The following TXLNB variants were observed in gnomAD, a reference collection of about 807,000 sequenced individuals.
TXLNB encodes the protein taxilin beta.
In TXLNB, 37 loss-of-function variants were observed where a neutral mutation model predicts 57.4. The observed-to-expected ratio is 0.64, with a 90% CI of 0.50 to 0.85. The LOEUF is 0.85. Among genes scored for constraint, TXLNB ranks in the 40% least tolerant of loss-of-function variants. The pLI, the probability that TXLNB is intolerant of heterozygous loss-of-function variation, is 0.00. For synonymous variants in TXLNB, 302 were observed against 309.6 expected (o/e 0.98, Z 0.26); for missense variants, 848 against 825.6 (o/e 1.03, Z -0.33).
intron 2 of TXLNB, among the ~76,000 whole-genome samples, chr6:139,279,296 G>A (rs1776984322): frequency 6.6e-6 from 1 of 151,314 alleles, no homozygotes; most frequent in Non-Finnish European, 1.5e-5. Context: ...TTTTGGTTTT[G>A]TTTGTTTTGT....
the TXLNB span, among the ~76,000 whole-genome samples, chr6:139,186,156 C>G: frequency 2.0e-5 from 3 of 151,914 alleles, no homozygotes; most frequent in Non-Finnish European, 4.4e-5. Flanking sequence ...TATAAATAAC[C>G]CAATCTGGAT....
intron 6 of TXLNB, among the ~76,000 whole-genome samples, chr6:139,256,551 A>C (rs1003469535): frequency 6.6e-6 from 1 of 152,224 alleles, no homozygotes; most frequent in African/African-American, 2.4e-5. Flanking sequence ...GCTGGCCTCC[A>C]ACTCCTGACC....
At chr6:139,249,107 G>C (rs1776133700) in intron 7 of TXLNB, among the ~76,000 whole-genome samples, 1 of 152,232 alleles carries the variant, frequency 6.6e-6, no homozygotes, top group South Asian at 2.1e-4. Flanking sequence ...CAAGTGTATG[G>C]CTCACCATGG....
At chr6:139,315,332 G>A in the TXLNB span, among the ~76,000 whole-genome samples, 2 of 152,162 alleles carry the variant, frequency 1.3e-5, no homozygotes, top group African/African-American at 2.4e-5. Flanking sequence ...CCCACAGCTG[G>A]CTCTGCGTGA....
the TXLNB span, among the ~76,000 whole-genome samples, chr6:139,181,717 G>T: frequency 6.6e-6 from 1 of 152,174 alleles, no homozygotes; most frequent in Non-Finnish European, 1.5e-5. Context: ...AGTGCCTACT[G>T]TGTAGACAAA....
chr6:139,310,048 G>T, the TXLNB span, among the ~76,000 whole-genome samples: 1,877 of 152,254 alleles, frequency 0.012, 38 homozygotes, highest in African/African-American at 0.042. Flanking sequence ...CAGGGGAAAA[G>T]CTTCTTGACA....
chr6:139,170,365 A>G, the TXLNB span: 1 of 152,222 alleles, frequency 6.6e-6, no homozygotes, highest in Admixed American at 6.5e-5. Context: ...ATAAAATGTA[A>G]CTAACTTACC....
At chr6:139,288,393 G>A in intron 2 of TXLNB, 83 bp downstream of exon 2, 1 of 1,300,782 alleles carries the variant, frequency 7.7e-7, no homozygotes, top group Non-Finnish European at 1.1e-6. Context: ...TATTGGATGT[G>A]GCTTTTAGTG....
chr6:139,271,204 T>C (rs1178167680), intron 3 of TXLNB, among the ~76,000 whole-genome samples: 2 of 152,190 alleles, frequency 1.3e-5, no homozygotes, highest in Non-Finnish European at 2.9e-5. Flanking sequence ...TTCCACTACC[T>C]AAGCATTGAC....
chr6:139,284,668 A>G (rs894835025), intron 2 of TXLNB, among the ~76,000 whole-genome samples: 1 of 146,358 alleles, frequency 6.8e-6, no homozygotes, highest in East Asian at 2.0e-4. Context: ...AAGAACTGAG[A>G]AACTAGATCA....
rs1310083861 is a variant in TXLNB, at chr6:139,240,756, CCTCA to C, written c.*1766_*1769del. The C allele has an allele frequency of 6.6e-6, 1 of 152,566 alleles. No individual in the cohort carries two copies. Among genetic ancestry groups the C allele is most frequent in the Non-Finnish European group, 1.5e-5 (1 of 68,030 alleles). The allele number at this position is 152,566 out of a possible 1,614,324, so 9.5% of individuals were successfully genotyped here. A position where few individuals can be genotyped will look rare whatever the true frequency, so the allele number is the denominator to read the frequency against. ...TCCTGCCTAGCAACTTTGTTATTAT[CCTCA>C]CTGTCTACTTCAAACAAACTGTATG... On this transcript the variant is annotated 3_prime_UTR_variant, in exon 10 of 10. Coordinates refer to ENST00000358430, the MANE Select transcript of TXLNB (RefSeq NM_153235.4).
At chr6:139,302,320 GAAAA>G in the TXLNB span, among the ~76,000 whole-genome samples, 2 of 124,488 alleles carry the variant, frequency 1.6e-5, no homozygotes, top group African/African-American at 5.6e-5. Flanking sequence ...AGAGAGAGGA[GAAAA>G]AAAAAAAAAA....
chr6:139,232,796 A>C, the TXLNB span, among the ~76,000 whole-genome samples: 2 of 152,194 alleles, frequency 1.3e-5, no homozygotes, highest in East Asian at 1.9e-4. Context: ...CTTCATAAAC[A>C]GTTTGACTTT....
the TXLNB span, among the ~76,000 whole-genome samples, chr6:139,213,441 C>G: frequency 6.6e-6 from 1 of 152,116 alleles, no homozygotes; most frequent in African/African-American, 2.4e-5. Flanking sequence ...AGAACAAAGA[C>G]ACAACATATC....
chr6:139,277,680 G>A (rs184101246), intron 2 of TXLNB, among the ~76,000 whole-genome samples: 14 of 151,924 alleles, frequency 9.2e-5, no homozygotes, highest in Non-Finnish European at 1.6e-4. Context: ...CTTAATATCC[G>A]TTGGCAGTTT....
chr6:139,292,373 T>G (rs1777321565), upstream of TXLNB, among the ~76,000 whole-genome samples: 1 of 152,218 alleles, frequency 6.6e-6, no homozygotes. The surrounding 1 kb of genome is among the most constrained non-coding windows in gnomAD (Gnocchi z 4.0). Context: ...AGATCAGTTT[T>G]TCTTACTTCT....
At chr6:139,180,431 C>T in the TXLNB span, 1 of 152,736 alleles carries the variant, frequency 6.5e-6, no homozygotes, top group African/African-American at 2.4e-5. Flanking sequence ...GTCCTGGTAG[C>T]AGCTGTTGAG....
chr6:139,294,721 G>T (rs1482235217), upstream of TXLNB, among the ~76,000 whole-genome samples: 1 of 152,172 alleles, frequency 6.6e-6, no homozygotes, highest in African/African-American at 2.4e-5. Context: ...CCGGCACGCT[G>T]GCTCACGGCT....
At chr6:139,269,977 A>G (rs1292680644) in intron 4 of TXLNB, among the ~76,000 whole-genome samples, 1 of 152,178 alleles carries the variant, frequency 6.6e-6, no homozygotes, top group African/African-American at 2.4e-5. Flanking sequence ...TCAGATGACT[A>G]TTGACATTTT....
Sources: gnomAD v4.1 joint callset for allele counts (sites outside exome capture counted in the v4.1 genomes callset) on GRCh38, gnomAD v4.1.1 for gene constraint, Gnocchi (gnomAD v3.1) non-coding constraint, MANE v1.5 for transcripts, NCBI Gene and HGNC (gene_info 2026-07-23, HGNC 2026-07-21) for gene names.